TSPEAR: variants seen among roughly 807,000 people sequenced by gnomAD.
TSPEAR encodes thrombospondin type laminin G domain and EAR repeats.
Under a neutral mutation model 71.6 loss-of-function variants are expected in TSPEAR, and 69 were observed. The observed-to-expected ratio is 0.96, with a 90% CI of 0.79 to 1.18. The LOEUF is 1.18. TSPEAR is among the 50% of genes most tolerant of loss of function. TSPEAR has a pLI of 0.00. For missense variants in TSPEAR, 971 were observed against 894.9 expected, an observed-to-expected ratio of 1.09 and a Z score of -1.09; for synonymous variants, 402 against 387.2, an observed-to-expected ratio of 1.04 and a Z score of -0.45.
chr21:44,518,408 G>A (rs2052653224), intron 9 of TSPEAR: 4 of 413,716 alleles, frequency 9.7e-6, no homozygotes, highest in Admixed American at 6.4e-5. Context: ...ATTGGACTTG[G>A]TGTTATCACA....
intron 2 of TSPEAR, among the ~76,000 whole-genome samples, chr21:44,567,027 T>C (rs1407153126): frequency 5.3e-5 from 8 of 152,210 alleles, no homozygotes; most frequent in Admixed American, 5.2e-4. Context: ...CATCATGGTT[T>C]AAACATTTTG....
intron 1 of TSPEAR, among the ~76,000 whole-genome samples, chr21:44,614,326 A>G (rs1194734633): frequency 6.6e-5 from 10 of 152,248 alleles, no homozygotes; most frequent in Non-Finnish European, 1.3e-4. Context: ...CATCACCAGC[A>G]TGGGGACAGC....
chr21:44,667,314 A>G (rs1985838782), intron 1 of TSPEAR, among the ~76,000 whole-genome samples: 1 of 152,150 alleles, frequency 6.6e-6, no homozygotes, highest in South Asian at 2.1e-4. Context: ...TCCACAGTCA[A>G]TGTGAGGTAG....
chr21:44,583,807 A>G (rs1979164955), intron 1 of TSPEAR, among the ~76,000 whole-genome samples: 1 of 152,112 alleles, frequency 6.6e-6, no homozygotes, highest in African/African-American at 2.4e-5. Flanking sequence ...TGTGATGATT[A>G]CCACGGTCAA....
At chr21:44,606,010 C>T (rs1388399257) in intron 1 of TSPEAR, among the ~76,000 whole-genome samples, 3 of 151,912 alleles carry the variant, frequency 2.0e-5, no homozygotes, top group Non-Finnish European at 4.4e-5. Context: ...GATGAAGAAA[C>T]AACCCATGGA....
At chr21:44,648,894 C>G (rs1555940823) in intron 1 of TSPEAR, among the ~76,000 whole-genome samples, 1 of 152,238 alleles carries the variant, frequency 6.6e-6, no homozygotes, top group African/African-American at 2.4e-5. Flanking sequence ...GTGCCAGACG[C>G]AGAGGAGAAA....
At chr21:44,573,805 T>C in intron 1 of TSPEAR, 2 of 1,614,166 alleles carry the variant, frequency 1.2e-6, no homozygotes, top group Non-Finnish European at 1.7e-6. Flanking sequence ...CGCGTCTGCC[T>C]TCCTGGTTCC....
intron 1 of TSPEAR, among the ~76,000 whole-genome samples, chr21:44,636,961 G>C (rs143190831): frequency 2.6e-3 from 400 of 152,324 alleles, no homozygotes; most frequent in African/African-American, 9.3e-3. Context: ...CCCAACACAG[G>C]CACCTCCGTC....
At chr21:44,682,353 T>C (rs1490398908) in intron 1 of TSPEAR, among the ~76,000 whole-genome samples, 7 of 152,346 alleles carry the variant, frequency 4.6e-5, no homozygotes, top group African/African-American at 9.6e-5. Context: ...CTCTTCAAGC[T>C]CTTGTTACAT....
rs781823036 is a variant in TSPEAR at position 44,687,195 on chromosome 21, T to C, written c.82+24238A>G. Among the ~76,000 whole-genome samples, 3 of 152,078 alleles carry C rather than the reference T, an allele frequency of 2.0e-5. No individual in the cohort carries two copies. The highest frequency in any genetic ancestry group is 6.5e-5 in the Admixed American group (1 of 15,268). On this transcript the variant is annotated intron_variant, in intron 1 of 11. Coordinates refer to ENST00000323084, the MANE Select transcript of TSPEAR (RefSeq NM_144991.3). The surrounding 1 kb of genome is among the most constrained non-coding windows in gnomAD (Gnocchi z 4.4). ...AGCACGCGTTTCCCCAGAGGCTGGATTGGGGCCACTGAGGCGGTGTGACAG... is the reference window on the plus strand; with the variant it reads ...AGCACGCGTTTCCCCAGAGGCTGGACTGGGGCCACTGAGGCGGTGTGACAG...
intron 2 of TSPEAR, among the ~76,000 whole-genome samples, chr21:44,544,446 A>C (rs2053269182): frequency 6.6e-6 from 1 of 152,258 alleles, no homozygotes. Flanking sequence ...GTCAAGACAC[A>C]GAATCCAAGA....
intron 1 of TSPEAR, among the ~76,000 whole-genome samples, chr21:44,696,641 T>C (rs1249603568): frequency 6.6e-6 from 1 of 152,120 alleles, no homozygotes; most frequent in Non-Finnish European, 1.5e-5. Context: ...AAAGAGAATA[T>C]AAAACAAGAA....
intron 10 of TSPEAR, chr21:44,508,957 G>A (rs1333155911): frequency 1.8e-5 from 28 of 1,535,596 alleles, no homozygotes; most frequent in African/African-American, 5.5e-5. Context: ...GCAGAACTCC[G>A]CACACAGCAC....
chr21:44,677,271 C>G (rs1315684728), intron 1 of TSPEAR: 20 of 746,126 alleles, frequency 2.7e-5, no homozygotes, highest in Non-Finnish European at 4.1e-5. Flanking sequence ...TACTGCCTTT[C>G]TGTGTTCCTT....
chr21:44,627,163 C>A, intron 1 of TSPEAR: 3 of 1,609,674 alleles, frequency 1.9e-6, no homozygotes, highest in South Asian at 1.1e-5. Context: ...ACCTCCTCCC[C>A]ACCCCAGCAT....
chr21:44,609,504 C>G lies in TSPEAR; in HGVS notation c.83-41499G>C, dbSNP rs587654409. ...AGAGAGATGAATGAAAATCCAAAGA[C>G]AAGAGTGAAGGGAGATCCCAGGAAA... On this transcript the variant is annotated intron_variant, in intron 1 of 11. Coordinates refer to ENST00000323084, the MANE Select transcript of TSPEAR (RefSeq NM_144991.3). 6.6e-5 allele frequency among the ~76,000 whole-genome samples: 10 copies of G among 152,274 alleles called. No individual in the cohort carries two copies. The South Asian group carries it at 2.1e-3, about 32-fold the overall frequency.
In TSPEAR at chr21:44,600,789, C is replaced by T. The variant is rs782438656; in HGVS notation, c.83-32784G>A. On this transcript the variant is annotated intron_variant, in intron 1 of 11. Coordinates refer to ENST00000323084, the MANE Select transcript of TSPEAR (RefSeq NM_144991.3). ...CCCCGGCCCCCTGCCTGAGCCTGGT[C>T]TGCACCCCAGTGAGCTATGTGTCCA... is the stretch of plus-strand genomic sequence containing the variant. The T allele has an allele frequency of 1.6e-5, 25 of 1,598,994 alleles. 2 individuals carry two copies. Among genetic ancestry groups the T allele is most frequent in the Non-Finnish European group, 2.1e-5 (25 of 1,176,172 alleles).
intron 9 of TSPEAR, chr21:44,511,198 A>G (rs1555912613): frequency 6.6e-6 from 1 of 152,190 alleles, no homozygotes; most frequent in Non-Finnish European, 1.5e-5. Context: ...TGAGTGGGCA[A>G]CCCTCACGTG....
intron 1 of TSPEAR, chr21:44,646,423 T>C (rs587675544): frequency 3.0e-5 from 47 of 1,579,602 alleles, no homozygotes; most frequent in Non-Finnish European, 4.0e-5. Flanking sequence ...CACACTCACT[T>C]ACACCTCCCC....
Sources: allele counts gnomAD v4.1 joint callset (sites outside exome capture counted in the v4.1 genomes callset), GRCh38; gene constraint gnomAD v4.1.1; non-coding constraint Gnocchi (gnomAD v3.1); transcripts MANE v1.5; gene names NCBI Gene and HGNC (gene_info 2026-07-23, HGNC 2026-07-21).